NRXN3: variants seen among roughly 807,000 people sequenced by gnomAD.
NRXN3 encodes the protein neurexin 3.
A neutral mutation model predicts 137.6 loss-of-function variants in NRXN3; 32 were observed. That is an observed-to-expected ratio of 0.23 (90% CI 0.18 to 0.31). The LOEUF is 0.31. NRXN3 is among the 10% of genes least tolerant of loss of function. NRXN3 has a pLI of 1.00. For missense variants in NRXN3, 1,574 were observed against 2,062.5 expected, an observed-to-expected ratio of 0.76 and a Z score of 4.59; for synonymous variants, 798 against 784.5, an observed-to-expected ratio of 1.02 and a Z score of -0.29.
intron 1 of NRXN3, among the ~76,000 whole-genome samples, chr14:78,187,704 C>G (rs2060354234): frequency 6.6e-6 from 1 of 151,826 alleles, no homozygotes; most frequent in East Asian, 1.9e-4. Context: ...TTCCTAATAA[C>G]CTCTACCAGG....
At chr14:79,267,360 A>AT (rs398043882) in intron 15 of NRXN3, among the ~76,000 whole-genome samples, 5,763 of 142,962 alleles carry the variant, frequency 0.04, 136 homozygotes, top group Non-Finnish European at 0.052. Context: ...AGATCATTTA[A>AT]TTTTTTTTTT....
chr14:78,348,383 G>C (rs1407559545), intron 4 of NRXN3, among the ~76,000 whole-genome samples: 1 of 152,142 alleles, frequency 6.6e-6, no homozygotes, highest in Non-Finnish European at 1.5e-5. Context: ...CTGTACTTTA[G>C]TTTACTCTTT....
At chr14:78,635,899 G>T (rs1370302688) in intron 4 of NRXN3, among the ~76,000 whole-genome samples, 1 of 152,036 alleles carries the variant, frequency 6.6e-6, no homozygotes, top group Non-Finnish European at 1.5e-5. Context: ...GTATTTTTAG[G>T]AAACACTGTA....
intron 15 of NRXN3, among the ~76,000 whole-genome samples, chr14:79,305,924 A>G (rs181560056): frequency 2.0e-3 from 304 of 152,208 alleles, no homozygotes; most frequent in African/African-American, 7.1e-3. Context: ...AAATCCTGGT[A>G]TCAATGGGAC....
intron 16 of NRXN3, among the ~76,000 whole-genome samples, chr14:79,508,471 C>T (rs867134827): frequency 7.3e-6 from 1 of 136,588 alleles, no homozygotes; most frequent in Non-Finnish European, 1.5e-5. Context: ...CTCACTGCAA[C>T]CTTCATCTCC....
chr14:78,644,378 G>A (rs68019258), intron 4 of NRXN3, among the ~76,000 whole-genome samples: 26,336 of 152,068 alleles, frequency 0.17, 2,456 homozygotes, highest in South Asian at 0.24. Context: ...AGAGAATGCC[G>A]TCCTGGCCCT....
At chr14:78,958,020 T>G (rs947518376) in intron 11 of NRXN3, among the ~76,000 whole-genome samples, 1 of 152,154 alleles carries the variant, frequency 6.6e-6, no homozygotes. Context: ...TAAGAGTCTG[T>G]TCTATGTCAG....
intron 8 of NRXN3, among the ~76,000 whole-genome samples, chr14:78,769,404 A>G (rs2098719672): frequency 6.6e-6 from 1 of 152,218 alleles, no homozygotes; most frequent in Admixed American, 6.5e-5. Flanking sequence ...TCACATTTAT[A>G]GGTACTGGGG....
intron 15 of NRXN3, among the ~76,000 whole-genome samples, chr14:79,014,732 C>G (rs75840604): frequency 0.019 from 2,898 of 152,234 alleles, 78 homozygotes; most frequent in African/African-American, 0.052. Flanking sequence ...AATACTCTGG[C>G]TTGTTGAGTT....
At chr14:79,275,615 A>G (rs1290686184) in intron 15 of NRXN3, among the ~76,000 whole-genome samples, 1 of 152,106 alleles carries the variant, frequency 6.6e-6, no homozygotes, top group Non-Finnish European at 1.5e-5. Flanking sequence ...TTATTTCAGA[A>G]GCCAAAGAAT....
At chr14:78,431,198 A>G (rs2093865370) in intron 4 of NRXN3, among the ~76,000 whole-genome samples, 1 of 152,200 alleles carries the variant, frequency 6.6e-6, no homozygotes, top group African/African-American at 2.4e-5. Flanking sequence ...ACCAGAGGGT[A>G]CATAGGAGAT....
chr14:78,292,953 C>T (rs981299788), intron 3 of NRXN3, among the ~76,000 whole-genome samples: 1 of 152,164 alleles, frequency 6.6e-6, no homozygotes, highest in South Asian at 2.1e-4. Context: ...CTAGAAGGTC[C>T]ATCTTCATTT....
chr14:79,662,652 G>A (rs572982295), intron 16 of NRXN3, among the ~76,000 whole-genome samples: 2 of 152,214 alleles, frequency 1.3e-5, no homozygotes, highest in East Asian at 1.9e-4. Context: ...TCTGCAGGAT[G>A]TATAGGAAGC....
At chr14:78,470,778 AT>A in intron 4 of NRXN3, among the ~76,000 whole-genome samples, 4 of 152,238 alleles carry the variant, frequency 2.6e-5, no homozygotes, top group Admixed American at 2.6e-4. Flanking sequence ...GCTTTTTTAC[AT>A]TTTGAAGCAC....
intron 19 of NRXN3, among the ~76,000 whole-genome samples, chr14:79,740,140 T>C (rs1465526292): frequency 6.6e-6 from 1 of 152,156 alleles, no homozygotes; most frequent in Non-Finnish European, 1.5e-5. Flanking sequence ...TGGAATCATC[T>C]TTCACTCCTC....
intron 19 of NRXN3, among the ~76,000 whole-genome samples, chr14:79,799,929 A>T (rs150688581): frequency 1.6e-4 from 25 of 152,302 alleles, no homozygotes; most frequent in Non-Finnish European, 2.9e-4. Flanking sequence ...AAAGTGCTTG[A>T]CATATAGGTG....
chr14:78,177,315 C>T (rs1185728804), intron 1 of NRXN3, among the ~76,000 whole-genome samples: 3 of 151,898 alleles, frequency 2.0e-5, no homozygotes, highest in African/African-American at 7.3e-5. Flanking sequence ...CTGTTCCACT[C>T]TAGGGTTGGT....
At chr14:78,539,586 G>A (rs941873910) in intron 4 of NRXN3, among the ~76,000 whole-genome samples, 11 of 152,000 alleles carry the variant, frequency 7.2e-5, no homozygotes, top group African/African-American at 2.7e-4. Flanking sequence ...ATTTTTTGAA[G>A]GGTTTTTTGT....
At chr14:79,412,924 T>G (rs935869002) in intron 15 of NRXN3, among the ~76,000 whole-genome samples, 1 of 152,048 alleles carries the variant, frequency 6.6e-6, no homozygotes, top group Non-Finnish European at 1.5e-5. Context: ...CCAGTTGAAG[T>G]TGTGTTTTAA....
Sources: allele counts gnomAD v4.1 joint callset (sites outside exome capture counted in the v4.1 genomes callset), GRCh38; gene constraint gnomAD v4.1.1; transcripts MANE v1.5; gene names NCBI Gene and HGNC (gene_info 2026-07-23, HGNC 2026-07-21).